TRPM7: variants seen among roughly 807,000 people sequenced by gnomAD.
TRPM7 encodes the protein LTRPC ion channel family member 7.
In TRPM7, 134 loss-of-function variants were observed where a neutral mutation model predicts 229.7. The observed-to-expected ratio is 0.58, with a 90% CI of 0.51 to 0.67. TRPM7 has a LOEUF of 0.67. Ranked by LOEUF, TRPM7 falls within the 30% of genes least tolerant of loss-of-function variation. The probability of loss-of-function intolerance (pLI) is 0.00; values close to 1 mark genes in which losing one functional copy is unlikely to be tolerated. For synonymous variants in TRPM7, 699 were observed against 715.2 expected (o/e 0.98, Z 0.36); for missense variants, 1,901 against 2,210.0 (o/e 0.86, Z 2.80).
intron 31 of TRPM7, among the ~76,000 whole-genome samples, chr15:50,578,204 A>C (rs1051976060): frequency 2.0e-5 from 3 of 152,224 alleles, no homozygotes; most frequent in Non-Finnish European, 1.5e-5. Context: ...ACTTCGATAA[A>C]AGGTTGACAA....
chr15:50,667,574 C>T (rs1405376456), intron 1 of TRPM7, among the ~76,000 whole-genome samples: 3 of 152,028 alleles, frequency 2.0e-5, no homozygotes, highest in Non-Finnish European at 4.4e-5. Flanking sequence ...GGGAATGGTG[C>T]CTTGCACCTG....
chr15:50,623,691 T>G (rs2060481466), intron 12 of TRPM7, among the ~76,000 whole-genome samples: 1 of 151,966 alleles, frequency 6.6e-6, no homozygotes, highest in Admixed American at 6.6e-5. Flanking sequence ...GTGAAAGTCT[T>G]TGTTACGAGA....
intron 1 of TRPM7, among the ~76,000 whole-genome samples, chr15:50,677,066 A>G (rs1389554651): frequency 6.6e-6 from 1 of 152,178 alleles, no homozygotes; most frequent in African/African-American, 2.4e-5. Context: ...AATACCACAC[A>G]GACTTGGTGG....
intron 13 of TRPM7, among the ~76,000 whole-genome samples, chr15:50,615,023 T>C (rs905960936): frequency 2.0e-5 from 3 of 151,544 alleles, no homozygotes; most frequent in African/African-American, 7.3e-5. Flanking sequence ...AATATAAAAT[T>C]AGATGGGCAT....
Position 50,574,487 on chromosome 15 carries a change from AAAATAGTTATAAATATT to A in TRPM7, c.5103-25_5103-9del. On this transcript the variant is annotated splice_polypyrimidine_tract_variant and intron_variant, in intron 35 of 38. Coordinates refer to ENST00000646667, the MANE Select transcript of TRPM7 (RefSeq NM_017672.6). Reference sequence around the variant, plus strand: ...AGGAAAACTTCAAGGAACCTTATAAAAAATAGTTATAAATATTACTAGCAGTTTTGTTAATAAAATTC... The same window carrying A: ...AGGAAAACTTCAAGGAACCTTATAAAACTAGCAGTTTTGTTAATAAAATTC... 6.2e-7 allele frequency: 1 copy of A among 1,602,442 alleles called. No homozygotes were observed. The highest frequency in any genetic ancestry group is 8.5e-7 in the Non-Finnish European group (1 of 1,174,648).
At chr15:50,661,745 G>A (rs2061729592) in intron 2 of TRPM7, among the ~76,000 whole-genome samples, 1 of 152,114 alleles carries the variant, frequency 6.6e-6, no homozygotes, top group Non-Finnish European at 1.5e-5. Context: ...AAGGTAAATG[G>A]GTAGAGAACA....
At chr15:50,632,510 T>C (rs2060768765) in intron 9 of TRPM7, among the ~76,000 whole-genome samples, 1 of 152,186 alleles carries the variant, frequency 6.6e-6, no homozygotes, top group African/African-American at 2.4e-5. Flanking sequence ...TTTAATTTAA[T>C]AGGCTTAAGC....
chr15:50,675,986 A>T (rs998411275), intron 1 of TRPM7, among the ~76,000 whole-genome samples: 6 of 152,322 alleles, frequency 3.9e-5, no homozygotes, highest in Admixed American at 1.3e-4. Context: ...AAAATAGGAT[A>T]ACAACAGTAC....
At chr15:50,596,463 GTTAT>G (rs1400858851) in intron 22 of TRPM7, 82 bp from the exon 23 acceptor site, 4 of 1,065,674 alleles carry the variant, frequency 3.8e-6, no homozygotes, top group East Asian at 6.1e-5. Context: ...AGTGTTTCTG[GTTAT>G]TTATTTACTT....
intron 11 of TRPM7, among the ~76,000 whole-genome samples, chr15:50,626,159 T>C (rs1366788728): frequency 1.3e-5 from 2 of 152,204 alleles, no homozygotes; most frequent in Admixed American, 6.5e-5. Flanking sequence ...ATCTGACTTA[T>C]TATGTGTTTT....
intron 36 of TRPM7, among the ~76,000 whole-genome samples, chr15:50,573,262 A>C (rs2053975138): frequency 6.6e-6 from 1 of 152,204 alleles, no homozygotes; most frequent in African/African-American, 2.4e-5. Flanking sequence ...AAGGCATCTC[A>C]ATCCTGGGCC....
intron 4 of TRPM7, among the ~76,000 whole-genome samples, chr15:50,643,864 CTTCT>C (rs1395535365): frequency 1.3e-5 from 2 of 152,108 alleles, no homozygotes; most frequent in Non-Finnish European, 2.9e-5. Context: ...TATTTATTGC[CTTCT>C]TTAACTATGA....
intron 1 of TRPM7, among the ~76,000 whole-genome samples, chr15:50,667,770 G>A (rs62017209): frequency 0.15 from 22,221 of 152,118 alleles, 2,212 homozygotes; most frequent in Admixed American, 0.28. Flanking sequence ...TGTCTATAAG[G>A]TTTTATTAAG....
chr15:50,626,976 C>A (rs182797333), intron 11 of TRPM7, among the ~76,000 whole-genome samples: 1 of 152,116 alleles, frequency 6.6e-6, no homozygotes, highest in Non-Finnish European at 1.5e-5. Flanking sequence ...CAATTAAGAT[C>A]ATACTGTGCA....
intron 1 of TRPM7, among the ~76,000 whole-genome samples, chr15:50,680,862 C>T (rs965320693): frequency 6.6e-6 from 1 of 152,188 alleles, no homozygotes; most frequent in Non-Finnish European, 1.5e-5. Flanking sequence ...ACTTATTAGC[C>T]TTGTGACCGT....
chr15:50,676,311 T>C (rs2062092564), intron 1 of TRPM7, among the ~76,000 whole-genome samples: 1 of 152,188 alleles, frequency 6.6e-6, no homozygotes, highest in Non-Finnish European at 1.5e-5. Flanking sequence ...AAATTTTTTT[T>C]TAACAAATAC....
At chr15:50,608,898 A>G (rs927150672) in intron 19 of TRPM7, among the ~76,000 whole-genome samples, 1 of 152,212 alleles carries the variant, frequency 6.6e-6, no homozygotes, top group African/African-American at 2.4e-5. Flanking sequence ...TGCTAGGGAA[A>G]GTAGCACCAG....
chr15:50,562,914 T>C (rs1169334798), intron 38 of TRPM7, among the ~76,000 whole-genome samples: 2 of 152,228 alleles, frequency 1.3e-5, no homozygotes, highest in East Asian at 3.9e-4. Flanking sequence ...TACCTTAATA[T>C]TGAGAAGTGA....
At chr15:50,569,614 T>G (rs747197486) in intron 38 of TRPM7, among the ~76,000 whole-genome samples, 1 of 152,156 alleles carries the variant, frequency 6.6e-6, no homozygotes, top group Non-Finnish European at 1.5e-5. Flanking sequence ...GGCAGAGACA[T>G]AGCTGTCTGG....
Sources: gnomAD v4.1 joint callset for allele counts (sites outside exome capture counted in the v4.1 genomes callset) on GRCh38, gnomAD v4.1.1 for gene constraint, MANE v1.5 for transcripts, NCBI Gene and HGNC (gene_info 2026-07-23, HGNC 2026-07-21) for gene names.